TRIQK: variants seen among roughly 807,000 people sequenced by gnomAD.
TRIQK encodes the protein triple QxxK/R motif-containing protein.
A neutral mutation model predicts 10.8 loss-of-function variants in TRIQK; 10 were observed. That is an observed-to-expected ratio of 0.92 (90% CI 0.57 to 1.57). The LOEUF (loss-of-function observed/expected upper bound fraction) is 1.57. Ranked by LOEUF, TRIQK falls within the 40% of genes most tolerant of loss-of-function variation. The probability of loss-of-function intolerance (pLI) is 0.00; values close to 1 mark genes in which losing one functional copy is unlikely to be tolerated. For synonymous variants in TRIQK, 33 were observed against 33.7 expected, an observed-to-expected ratio of 0.98 and a Z score of 0.07; for missense variants, 107 against 97.7, an observed-to-expected ratio of 1.09 and a Z score of -0.40.
chr8:93,007,035 C>T (rs906483265), intron 1 of TRIQK, among the ~76,000 whole-genome samples: 1 of 152,178 alleles, frequency 6.6e-6, no homozygotes, highest in Non-Finnish European at 1.5e-5. Context: ...TGCCTGATCC[C>T]GTACCTCCTG....
intron 2 of TRIQK, among the ~76,000 whole-genome samples, chr8:92,946,576 G>T (rs1048586521): frequency 1.3e-5 from 2 of 152,056 alleles, no homozygotes; most frequent in African/African-American, 2.4e-5. Context: ...ATCAGAAAAT[G>T]AGATTTTTTT....
At chr8:92,962,484 A>G (rs1055551481) in intron 1 of TRIQK, among the ~76,000 whole-genome samples, 4 of 152,184 alleles carry the variant, frequency 2.6e-5, no homozygotes, top group African/African-American at 9.7e-5. Flanking sequence ...ACATTACACA[A>G]TATTTATCAT....
intron 3 of TRIQK, among the ~76,000 whole-genome samples, chr8:92,911,258 T>TA (rs925028011): frequency 4.0e-5 from 6 of 149,688 alleles, no homozygotes; most frequent in East Asian, 3.9e-4. Flanking sequence ...ACAGAAAAGA[T>TA]AAAAAAAACT....
At chr8:92,964,001 C>T (rs1288235489) in intron 1 of TRIQK, 7 of 151,852 alleles carry the variant, frequency 4.6e-5, no homozygotes, top group Non-Finnish European at 1.0e-4. Context: ...GATCAAAGGG[C>T]ATTTGGGATA....
intron 2 of TRIQK, among the ~76,000 whole-genome samples, chr8:92,931,098 G>T (rs982982513): frequency 6.6e-6 from 1 of 151,852 alleles, no homozygotes; most frequent in Non-Finnish European, 1.5e-5. Flanking sequence ...AAATTTACTA[G>T]CAAAAAAGAC....
chr8:92,893,382 T>C (rs1190274808), intron 3 of TRIQK, among the ~76,000 whole-genome samples: 3 of 152,020 alleles, frequency 2.0e-5, no homozygotes. Flanking sequence ...AGGATTGTCT[T>C]CTCTTTCCTT....
chr8:93,010,418 C>T (rs1371599898), intron 1 of TRIQK, among the ~76,000 whole-genome samples: 2 of 150,744 alleles, frequency 1.3e-5, no homozygotes, highest in Non-Finnish European at 2.9e-5. Flanking sequence ...AAATAAAATA[C>T]TTAAGGTAGT....
chr8:92,947,511 G>A (rs1233194408), intron 2 of TRIQK, among the ~76,000 whole-genome samples: 3 of 149,688 alleles, frequency 2.0e-5, no homozygotes, highest in African/African-American at 4.9e-5. Context: ...TTGAACGCAG[G>A]AGGCGGAGGT....
chr8:92,901,847 A>C (rs1808957862), intron 3 of TRIQK, among the ~76,000 whole-genome samples: 1 of 152,132 alleles, frequency 6.6e-6, no homozygotes, highest in African/African-American at 2.4e-5. Flanking sequence ...GTTTGGTAGA[A>C]TCTAGCAGTG....
At chr8:92,918,329 A>G (rs1039338545) in intron 2 of TRIQK, among the ~76,000 whole-genome samples, 9 of 151,922 alleles carry the variant, frequency 5.9e-5, no homozygotes, top group African/African-American at 1.9e-4. Context: ...ACCAATTTAC[A>G]TTTTCACCCA....
chr8:92,991,737 T>C (rs1813098312), intron 1 of TRIQK, among the ~76,000 whole-genome samples: 1 of 152,174 alleles, frequency 6.6e-6, no homozygotes, highest in African/African-American at 2.4e-5. Context: ...GATGACATGA[T>C]TGTATATTTA....
chr8:92,895,757 T>C (rs1040033016), intron 3 of TRIQK, among the ~76,000 whole-genome samples: 10 of 152,178 alleles, frequency 6.6e-5, no homozygotes, highest in African/African-American at 2.2e-4. Context: ...CTAAAGTATC[T>C]GCCAGAATAA....
At chr8:93,016,768 A>C (rs1046970272) in intron 1 of TRIQK, among the ~76,000 whole-genome samples, 2 of 152,152 alleles carry the variant, frequency 1.3e-5, no homozygotes, top group Non-Finnish European at 2.9e-5. Flanking sequence ...GGTATTCCCG[A>C]CAGAGGCAGC....
At chr8:92,901,071 T>C (rs1808910185) in intron 3 of TRIQK, among the ~76,000 whole-genome samples, 1 of 152,168 alleles carries the variant, frequency 6.6e-6, no homozygotes, top group Non-Finnish European at 1.5e-5. Flanking sequence ...TCCTACTGAT[T>C]TTTGTAGGTT....
intron 1 of TRIQK, among the ~76,000 whole-genome samples, chr8:92,964,293 A>AT (rs1158391008): frequency 6.6e-6 from 1 of 152,048 alleles, no homozygotes; most frequent in East Asian, 1.9e-4. Flanking sequence ...CCTTATCCCT[A>AT]AAGAAGTTGA....
At chr8:92,941,760 A>C (rs1811281109) in intron 2 of TRIQK, among the ~76,000 whole-genome samples, 1 of 152,198 alleles carries the variant, frequency 6.6e-6, no homozygotes, top group Non-Finnish European at 1.5e-5. Flanking sequence ...ATTGCACTGA[A>C]ATCACAAAAA....
At position 92,999,620 on chromosome 8, in the gene TRIQK, G is replaced by A. The variant is rs568302887; in HGVS notation, c.-181+17989C>T. Reference sequence around the variant, plus strand: ...TTTCCTGACCCAATTTGTGGACTTCGTTAATTTAACTTTCTTCATCTTCTG... The same window carrying A: ...TTTCCTGACCCAATTTGTGGACTTCATTAATTTAACTTTCTTCATCTTCTG... On this transcript the variant is annotated intron_variant, in intron 1 of 4. Coordinates refer to the TRIQK transcript ENST00000520686. Among the ~76,000 whole-genome samples, 5 of 152,244 alleles carry A rather than the reference G, an allele frequency of 3.3e-5. 1 individual carries two copies. In the South Asian group the frequency reaches 1.0e-3, roughly 32 times the overall value.
intron 3 of TRIQK, among the ~76,000 whole-genome samples, chr8:92,892,298 T>C (rs1429923997): frequency 6.6e-6 from 1 of 151,866 alleles, no homozygotes; most frequent in Non-Finnish European, 1.5e-5. Context: ...ATTTGCTGTA[T>C]AGTGAATGTC....
chr8:92,975,347 TAATACA>T (rs959201355), intron 1 of TRIQK, among the ~76,000 whole-genome samples: 5 of 152,236 alleles, frequency 3.3e-5, no homozygotes, highest in Non-Finnish European at 5.9e-5. Context: ...GGAGAATTTT[TAATACA>T]AATACAATTT....
Sources: gnomAD v4.1 joint callset for allele counts (sites outside exome capture counted in the v4.1 genomes callset) on GRCh38, gnomAD v4.1.1 for gene constraint, MANE v1.5 for transcripts, NCBI Gene and HGNC (gene_info 2026-07-23, HGNC 2026-07-21) for gene names.